The following PKD1 variants were observed in gnomAD, a reference collection of about 807,000 sequenced individuals.
PKD1 encodes the protein polycystin-1.
Under a neutral mutation model 361.7 loss-of-function variants are expected in PKD1, and 81 were observed. The ratio of observed to expected loss-of-function variants is 0.22; its 90% confidence interval spans 0.19 to 0.27. The LOEUF is 0.27. PKD1 is among the 10% of genes least tolerant of loss of function. The pLI, the probability that PKD1 is intolerant of heterozygous loss-of-function variation, is 1.00. For synonymous variants in PKD1, 3,615 were observed against 2,818.3 expected, an observed-to-expected ratio of 1.28 and a Z score of -8.95; for missense variants, 6,399 against 6,118.3, an observed-to-expected ratio of 1.05 and a Z score of -1.53.
rs781194042 is a variant in PKD1, at chr16:2,112,863, G to A, written c.3086C>T (p.Ala1029Val). ...TAGCGTGGCATTGGGGGACAGCACG[G>A]CCGGCACTGTGGAGACCTGCAGACC... ...MQGLQVSTVP[A>V]VLSPNATLAL... is the part of the protein sequence containing the mutation. Residue 1029 changes from alanine (A) to valine (V), a missense_variant, in exon 13 of 46, where the codon GCC (alanine) becomes GTC (valine). Transcript: ENST00000262304. The A allele has an allele frequency of 6.2e-7, 1 of 1,606,252 alleles. No homozygotes were observed. The highest frequency in any genetic ancestry group is 1.7e-5 in the Admixed American group (1 of 60,018).
In PKD1 at chr16:2,114,520, G is replaced by A. The variant is rs750594767; in HGVS notation, c.2503C>T (p.Arg835Cys). Residue 835 changes from arginine (R) to cysteine (C), a missense_variant, in exon 11 of 46, where the codon CGC (arginine) becomes TGC (cysteine). Coordinates refer to ENST00000262304, the MANE Select transcript of PKD1 (RefSeq NM_001009944.3). ...GAGCCGTTGGTGGGCACGTAGAGGC[G>A]GCCGTCGCGGGGGGCAGGGTAGATG... ...RVIYPAPRDG[R>C]LYVPTNGSAL... is the part of the protein sequence containing the mutation. 24 of 1,594,402 alleles carry A rather than the reference G, an allele frequency of 1.5e-5. No homozygotes were observed. The highest frequency in any genetic ancestry group is 2.3e-4 in the Middle Eastern group (1 of 4,422).
intron 20 of PKD1, 78 bp from the exon 21 acceptor site, chr16:2,105,552 C>G: frequency 6.3e-7 from 1 of 1,594,830 alleles, no homozygotes; most frequent in Non-Finnish European, 8.5e-7. Flanking sequence ...CCACGACTCC[C>G]GGGGTGCAGT....
Position 2,108,963 on chromosome 16 carries a change from G to A in PKD1, c.6204C>T (p.Ser2068=), listed in dbSNP as rs141524278. 7.4e-4 allele frequency: 1,198 copies of A among 1,608,776 alleles called. 1 individual carries two copies. The highest frequency in any genetic ancestry group is 9.2e-4 in the Non-Finnish European group (1,081 of 1,178,932). The change falls in exon 15 of 46, where the codon AGC becomes AGT. Residue 2068 remains serine (S), a synonymous_variant. Transcript: ENST00000262304. Reference sequence around the variant, plus strand: ...CCGAGCGGTTGGTGAAGCAGGGGCCGCTCTGCAGGGCCACATACTGGACGG... The same window carrying A: ...CCGAGCGGTTGGTGAAGCAGGGGCCACTCTGCAGGGCCACATACTGGACGG... ...QDAVQYVALQ[S]GPCFTNRSAQ...
chr16:2,092,519 G>C lies in PKD1; in HGVS notation c.11230C>G (p.Leu3744Val), dbSNP rs567145434. The change falls in exon 39 of 46, where the codon CTG (leucine) becomes GTG (valine). Residue 3744 changes from leucine (L) to valine (V), a missense_variant. By Grantham distance (32) the Leu-to-Val change is conservative. Coordinates refer to ENST00000262304, the MANE Select transcript of PKD1 (RefSeq NM_001009944.3). ...ACCTGCCGCAGCCGTGGGGGCCCCA[G>C]CTCTGGGCTGGACTGGTTCCCGTGG... ...YVHGNQSSPELGPPRLRQVRL... is the reference protein window; with the variant it reads ...YVHGNQSSPEVGPPRLRQVRL... 2 of 1,612,522 alleles carry C rather than the reference G, an allele frequency of 1.2e-6. No individual in the cohort carries two copies. The highest frequency in any genetic ancestry group is 2.2e-5 in the East Asian group (1 of 44,898).
Position 2,114,323 on chromosome 16 carries a change from C to A in PKD1, c.2700G>T (p.Pro900=). 1 of 1,610,466 alleles carries A rather than the reference C, an allele frequency of 6.2e-7. No homozygotes were observed. The highest frequency in any genetic ancestry group is 8.5e-7 in the Non-Finnish European group (1 of 1,179,650). Residue 900 remains proline (P), a synonymous_variant, in exon 11 of 46, where the codon CCG becomes CCT. Coordinates refer to ENST00000262304, the MANE Select transcript of PKD1 (RefSeq NM_001009944.3). ...NDTLFSVVAL[P]WLSEGEHVVD... is the part of the protein sequence containing the mutation. Reference sequence around the variant, plus strand: ...CCACGTGCTCCCCCTCACTGAGCCACGGCAGTGCTACCACTGAGAACAGGG... The same window carrying A: ...CCACGTGCTCCCCCTCACTGAGCCAAGGCAGTGCTACCACTGAGAACAGGG...
chr16:2,096,944 C>G (rs2091872404), intron 34 of PKD1: 1 of 602,140 alleles, frequency 1.7e-6, no homozygotes, highest in African/African-American at 1.8e-5. Context: ...CCTGCTCCCT[C>G]CCTAGAGGGA....
intron 30 of PKD1, chr16:2,099,244 G>A (rs1368636810): frequency 2.8e-6 from 1 of 355,198 alleles, no homozygotes; most frequent in Non-Finnish European, 5.5e-6. Flanking sequence ...TTACAGGCGT[G>A]AGCCACCACA....
chr16:2,119,964 G>C (rs2092694395), intron 1 of PKD1: 1 of 604,078 alleles, frequency 1.7e-6, no homozygotes, highest in African/African-American at 1.9e-5. Flanking sequence ...CGGTAACACA[G>C]CACCGTGGGA....
chr16:2,108,958 G>A lies in PKD1; in HGVS notation c.6209C>T (p.Pro2070Leu). 1 of 1,608,378 alleles carries A rather than the reference G, an allele frequency of 6.2e-7. No individual in the cohort carries two copies. The highest frequency in any genetic ancestry group is 8.5e-7 in the Non-Finnish European group (1 of 1,178,752). ...CTGCGCCGAGCGGTTGGTGAAGCAG[G>A]GGCCGCTCTGCAGGGCCACATACTG... is the stretch of plus-strand genomic sequence containing the variant. Reference protein sequence around the residue: ...AVQYVALQSGPCFTNRSAQFE... With the variant: ...AVQYVALQSGLCFTNRSAQFE... The change falls in exon 15 of 46, where the codon CCC becomes CTC. Residue 2070 changes from proline to leucine, a missense_variant. Pro to Leu is a moderately conservative substitution (Grantham distance 98). Coordinates refer to ENST00000262304, the MANE Select transcript of PKD1 (RefSeq NM_001009944.3).
intron 26 of PKD1, among the ~76,000 whole-genome samples, chr16:2,101,055 A>G (rs1477376161): frequency 5.9e-5 from 9 of 151,424 alleles, no homozygotes; most frequent in African/African-American, 1.9e-4. Context: ...GCGCAATCTC[A>G]GCTCACTGCA....
At position 2,100,446 on chromosome 16, in the gene PKD1, G is replaced by A. The variant is rs772608027; in HGVS notation, c.9518C>T (p.Pro3173Leu). ...NSLDIFRIAT[P>L]HSLGSVWKIR... ...CTTCCACACGCTACCCAGGCTGTGC[G>A]GGGTGGCGATCCGGAAGATGTCCAG... is the stretch of plus-strand genomic sequence containing the variant. The change falls in exon 27 of 46, where the codon CCG becomes CTG. Residue 3173 changes from proline (P) to leucine (L), a missense_variant. Coordinates refer to ENST00000262304, the MANE Select transcript of PKD1 (RefSeq NM_001009944.3). This position sits in a 1 kb window ranked among gnomAD's most constrained non-coding sequence, Gnocchi z 4.4. 9.9e-6 allele frequency: 16 copies of A among 1,610,802 alleles called. No homozygotes were observed. The highest frequency in any genetic ancestry group is 4.0e-5 in the African/African-American group (3 of 74,856).
chr16:2,102,673 G>C (rs776699526), intron 24 of PKD1, 40 bp from the exon 25 acceptor site: 21 of 1,610,474 alleles, frequency 1.3e-5, no homozygotes, highest in Non-Finnish European at 1.8e-5. Context: ...CCCAGGCTCC[G>C]CCAGGTTGGA....
At chr16:2,125,200 G>A (rs1360190598) in intron 1 of PKD1, among the ~76,000 whole-genome samples, 2 of 152,178 alleles carry the variant, frequency 1.3e-5, no homozygotes, top group East Asian at 3.9e-4. Flanking sequence ...TTGGGACGGT[G>A]CTCATTTGAA....
chr16:2,126,783 T>A (rs2092805119), intron 1 of PKD1, among the ~76,000 whole-genome samples: 1 of 152,216 alleles, frequency 6.6e-6, no homozygotes, highest in South Asian at 2.1e-4. Flanking sequence ...TATTCCTTGC[T>A]GGAAAGCAGA....
In PKD1 at chr16:2,106,266, A is replaced by G. The variant is rs1420002269; in HGVS notation, c.7528T>C (p.Tyr2510His). The G allele has an allele frequency of 1.2e-6, 2 of 1,610,122 alleles. No individual in the cohort carries two copies. The highest frequency in any genetic ancestry group is 3.3e-5 in the Admixed American group (2 of 59,984). Residue 2510 changes from tyrosine to histidine, a missense_variant, in exon 19 of 46, where the codon TAC (tyrosine) becomes CAC (histidine). By Grantham distance (83) the Tyr-to-His change is moderately conservative (BLOSUM62 2). Coordinates refer to ENST00000262304, the MANE Select transcript of PKD1 (RefSeq NM_001009944.3). The surrounding 1 kb of genome is among the most constrained non-coding windows in gnomAD (Gnocchi z 6.5). Reference protein sequence around the residue: ...DAEDAGAPLVYALLLRRCRQG... With the variant: ...DAEDAGAPLVHALLLRRCRQG... ...CGACAGCGCCGCAGCAGCAGGGCGT[A>G]CACCAGCGGGGCGCCAGCATCCTCC...
chr16:2,092,719 C>T (rs2151702950), intron 38 of PKD1, 127 bp from the exon 39 acceptor site: 1 of 851,448 alleles, frequency 1.2e-6, no homozygotes, highest in South Asian at 1.4e-5. Flanking sequence ...CTGGGCTTCT[C>T]AGCCTTATCC....
At position 2,091,102 on chromosome 16, in the gene PKD1, G is replaced by A. The variant is rs776316139; in HGVS notation, c.11785C>T (p.Arg3929Cys). The A allele has an allele frequency of 1.3e-5, 20 of 1,495,544 alleles. No homozygotes were observed. The highest frequency in any genetic ancestry group is 2.3e-4 in the Middle Eastern group (1 of 4,312). The allele number at this position is 1,495,544 out of a possible 1,614,324, so 92.6% of individuals were successfully genotyped here. The change falls in exon 43 of 46, where the codon CGC (arginine) becomes TGC (cysteine). Residue 3929 changes from arginine (R) to cysteine (C), a missense_variant. Coordinates refer to ENST00000262304, the MANE Select transcript of PKD1 (RefSeq NM_001009944.3). Reference sequence around the variant, plus strand: ...GCCCAGGCTCCGAGCCGCAGCACGCGCCAGCGCCCTTCCCTGTGCCAAGTA... The same window carrying A: ...GCCCAGGCTCCGAGCCGCAGCACGCACCAGCGCCCTTCCCTGTGCCAAGTA... The part of the protein sequence containing the change: ...ARTWHREGRW[R>C]VLRLGAWARW...
chr16:2,098,222 TC>T (rs1309001913), intron 30 of PKD1: 1,079 of 566,690 alleles, frequency 1.9e-3, no homozygotes, highest in African/African-American at 5.8e-3. Context: ...TTTCATATTT[TC>T]TTTTTTAGAT....
In PKD1 at chr16:2,091,093, G is replaced by T. The variant is rs888691622; in HGVS notation, c.11794C>A (p.Arg3932=). 4 of 1,502,286 alleles carry T rather than the reference G, an allele frequency of 2.7e-6. 1 individual carries two copies. The highest frequency in any genetic ancestry group is 3.5e-6 in the Non-Finnish European group (4 of 1,131,078). The allele number at this position is 1,502,286 out of a possible 1,614,324, so 93.1% of individuals were successfully genotyped here. The part of the protein sequence containing the change: ...WHREGRWRVL[R]LGAWARWLLV... ...AGCCACCGCGCCCAGGCTCCGAGCCGCAGCACGCGCCAGCGCCCTTCCCTG... is the reference window on the plus strand; with the variant it reads ...AGCCACCGCGCCCAGGCTCCGAGCCTCAGCACGCGCCAGCGCCCTTCCCTG... The change falls in exon 43 of 46, where the codon CGG becomes AGG. Residue 3932 remains arginine (R), a synonymous_variant. Coordinates refer to ENST00000262304, the MANE Select transcript of PKD1 (RefSeq NM_001009944.3).
Sources: gnomAD v4.1 joint callset for allele counts (sites outside exome capture counted in the v4.1 genomes callset) on GRCh38, gnomAD v4.1.1 for gene constraint, Gnocchi (gnomAD v3.1) non-coding constraint, MANE v1.5 for transcripts, NCBI Gene and HGNC (gene_info 2026-07-23, HGNC 2026-07-21) for gene names.